ZNF407: variants seen among roughly 807,000 people sequenced by gnomAD.
ZNF407 encodes zinc finger protein 407.
ZNF407 carries 17 observed loss-of-function variants against 131.2 expected under a neutral mutation model. The observed-to-expected ratio is 0.13, with a 90% CI of 0.09 to 0.19. The LOEUF (loss-of-function observed/expected upper bound fraction) is 0.19, where lower values mean the gene tolerates loss of function less well. ZNF407 is among the 10% of genes least tolerant of loss of function. The probability of loss-of-function intolerance (pLI) is 1.00; values close to 1 mark genes in which losing one functional copy is unlikely to be tolerated. For synonymous variants in ZNF407, 1,156 were observed against 1,062.0 expected, an observed-to-expected ratio of 1.09 and a Z score of -1.72; for missense variants, 2,681 against 2,830.6, an observed-to-expected ratio of 0.95 and a Z score of 1.20.
chr18:75,040,896 G>A (rs1457490843), intron 8 of ZNF407, among the ~76,000 whole-genome samples: 1 of 152,158 alleles, frequency 6.6e-6, no homozygotes, highest in African/African-American at 2.4e-5. Flanking sequence ...AGCTCCACGT[G>A]TGATGCCGGC....
intron 8 of ZNF407, among the ~76,000 whole-genome samples, chr18:74,944,762 A>G (rs1311695578): frequency 6.6e-6 from 1 of 152,222 alleles, no homozygotes. Flanking sequence ...TTATAAACAA[A>G]CTATATAATT....
At chr18:74,702,781 A>G (rs1351920797) in intron 3 of ZNF407, among the ~76,000 whole-genome samples, 1 of 152,234 alleles carries the variant, frequency 6.6e-6, no homozygotes, top group Non-Finnish European at 1.5e-5. Flanking sequence ...GTACATATAC[A>G]CTGATACATA....
At chr18:74,926,662 G>A (rs892081848) in intron 8 of ZNF407, among the ~76,000 whole-genome samples, 2 of 152,146 alleles carry the variant, frequency 1.3e-5, no homozygotes, top group African/African-American at 2.4e-5. Flanking sequence ...AATTAGCTGG[G>A]CATGGTGGTG....
At chr18:74,753,984 T>C (rs1375698081) in intron 3 of ZNF407, among the ~76,000 whole-genome samples, 1 of 152,224 alleles carries the variant, frequency 6.6e-6, no homozygotes. Context: ...TCCTGACTTT[T>C]TTTGGTTGTT....
At chr18:75,002,540 C>T (rs950889541) in intron 8 of ZNF407, among the ~76,000 whole-genome samples, 6 of 152,272 alleles carry the variant, frequency 3.9e-5, no homozygotes, top group East Asian at 1.9e-4. Context: ...CGGTGGCTGA[C>T]GCCTGTAATC....
At position 75,016,921 on chromosome 18, in the gene ZNF407, G is replaced by A. The variant is rs574633512; in HGVS notation, c.5429-46229G>A. 3.3e-5 allele frequency among the ~76,000 whole-genome samples: 5 copies of A among 152,236 alleles called. No individual in the cohort carries two copies. In the East Asian group the frequency reaches 9.7e-4, roughly 29 times the overall value. On this transcript the variant is annotated intron_variant, in intron 8 of 8. Coordinates refer to ENST00000299687, the MANE Select transcript of ZNF407 (RefSeq NM_017757.3). The stretch of plus-strand genomic sequence containing the variant: ...AATTGCCCTGAAGGCCAAGTTGCAG[G>A]ATTTTATCTTAGCTTACCCATTAGC...
At chr18:75,032,308 C>T (rs61702974) in intron 8 of ZNF407, among the ~76,000 whole-genome samples, 380 of 152,248 alleles carry the variant, frequency 2.5e-3, no homozygotes, top group African/African-American at 8.7e-3. Flanking sequence ...TAAATAGTGT[C>T]GAACTTGACA....
chr18:74,872,070 G>A (rs923342424), intron 4 of ZNF407, among the ~76,000 whole-genome samples: 28 of 151,924 alleles, frequency 1.8e-4, no homozygotes, highest in Middle Eastern at 3.4e-3. Flanking sequence ...GGGTTTCACT[G>A]TATTGGTCAG....
At chr18:74,940,237 G>T (rs1972081466) in intron 8 of ZNF407, among the ~76,000 whole-genome samples, 1 of 152,194 alleles carries the variant, frequency 6.6e-6, no homozygotes, top group Non-Finnish European at 1.5e-5. Flanking sequence ...GCCACCAGTA[G>T]AGCATGAGAT....
At chr18:74,723,392 C>CG (rs1470289077) in intron 3 of ZNF407, among the ~76,000 whole-genome samples, 1 of 152,030 alleles carries the variant, frequency 6.6e-6, no homozygotes, top group Admixed American at 6.6e-5. Context: ...TTATGTTGTA[C>CG]GGACTCTGGA....
At chr18:74,909,140 G>T (rs73971194) in intron 7 of ZNF407, among the ~76,000 whole-genome samples, 4,155 of 149,708 alleles carry the variant, frequency 0.028, 195 homozygotes, top group African/African-American at 0.095. Context: ...AAAAGAAATT[G>T]CATACCTGCC....
At chr18:74,773,448 C>T (rs990872230) in intron 3 of ZNF407, among the ~76,000 whole-genome samples, 1 of 143,996 alleles carries the variant, frequency 6.9e-6, no homozygotes, top group Non-Finnish European at 1.5e-5. Flanking sequence ...CAGTAGAAGC[C>T]AAGTTATTAG....
At chr18:74,996,940 C>T (rs1568295895) in intron 8 of ZNF407, among the ~76,000 whole-genome samples, 1 of 152,044 alleles carries the variant, frequency 6.6e-6, no homozygotes, top group Non-Finnish European at 1.5e-5. Context: ...TTTCCATTAC[C>T]TTTGTGTAAA....
chr18:74,614,739 A>G (rs987901211), intron 1 of ZNF407, among the ~76,000 whole-genome samples: 1 of 152,112 alleles, frequency 6.6e-6, no homozygotes, highest in Non-Finnish European at 1.5e-5. Context: ...AATGATTGGC[A>G]TTGTCTGTAA....
At chr18:74,798,721 G>A (rs555387633) in intron 4 of ZNF407, among the ~76,000 whole-genome samples, 22 of 152,136 alleles carry the variant, frequency 1.4e-4, no homozygotes, top group Admixed American at 9.8e-4. Context: ...TATCTTTGTT[G>A]GAGGAAAAAC....
At chr18:74,751,729 C>G (rs1968808565) in intron 3 of ZNF407, among the ~76,000 whole-genome samples, 1 of 152,174 alleles carries the variant, frequency 6.6e-6, no homozygotes, top group Non-Finnish European at 1.5e-5. Flanking sequence ...GCGTAGTATT[C>G]CATGGTATGT....
intron 3 of ZNF407, among the ~76,000 whole-genome samples, chr18:74,644,960 C>T (rs985321822): frequency 6.6e-6 from 1 of 151,716 alleles, no homozygotes; most frequent in Non-Finnish European, 1.5e-5. Context: ...CTGCTTTTGC[C>T]CACATTTACA....
At chr18:74,752,634 C>G (rs191315033) in intron 3 of ZNF407, among the ~76,000 whole-genome samples, 5 of 152,308 alleles carry the variant, frequency 3.3e-5, no homozygotes, top group Non-Finnish European at 5.9e-5. Context: ...AATAGGGAAT[C>G]TTTTCCCCAT....
intron 8 of ZNF407, among the ~76,000 whole-genome samples, chr18:75,013,161 G>A (rs1421904875): frequency 2.0e-5 from 3 of 152,096 alleles, no homozygotes; most frequent in Non-Finnish European, 2.9e-5. Context: ...GTGGGAGTCA[G>A]GATGCATATT....
Sources: gnomAD v4.1 joint callset for allele counts (sites outside exome capture counted in the v4.1 genomes callset) on GRCh38, gnomAD v4.1.1 for gene constraint, MANE v1.5 for transcripts, NCBI Gene and HGNC (gene_info 2026-07-23, HGNC 2026-07-21) for gene names.